Variants in ARPP19 observed in about 807,000 individuals in gnomAD.
The protein encoded by ARPP19 is cAMP regulated phosphoprotein 19.
ARPP19 carries 8 observed loss-of-function variants against 12.0 expected under a neutral mutation model. The observed-to-expected ratio is 0.67, with a 90% confidence interval of 0.39 to 1.21. ARPP19 has a LOEUF of 1.21. ARPP19 is among the 50% of genes most tolerant of loss of function. The pLI, the probability that ARPP19 is intolerant of heterozygous loss-of-function variation, is 0.01. For synonymous variants in ARPP19, 47 were observed against 50.4 expected, an observed-to-expected ratio of 0.93 and a Z score of 0.29; for missense variants, 102 against 136.3, an observed-to-expected ratio of 0.75 and a Z score of 1.25.
rs1268834753 is a variant in ARPP19, at chr15:52,557,172, T to C, written c.96A>G (p.Leu32=). ...GTCCCAGATGAGGATATCTTGCTTTTAATTTTGCTTCTTCTGCTTTCTCTG... is the reference window on the plus strand; with the variant it reads ...GTCCCAGATGAGGATATCTTGCTTTCAATTTTGCTTCTTCTGCTTTCTCTG... ...TSPEKAEEAK[L]KARYPHLGQK... The change falls in exon 2 of 3, where the codon TTA becomes TTG. Residue 32 remains leucine, a synonymous_variant. Coordinates refer to ENST00000249822, the MANE Select transcript of ARPP19 (RefSeq NM_006628.6). The C allele has an allele frequency of 6.2e-7, 1 of 1,612,724 alleles. No homozygotes were observed. The highest frequency in any genetic ancestry group is 1.7e-5 in the Admixed American group (1 of 60,004).
chr15:52,568,785 G>C lies in ARPP19; in HGVS notation c.45+63C>G, dbSNP rs925007401. ...TCGGGCGCGGCCCTCCGCCTGGCGGGAGCAGGCCGCCCGCCAGACCCGGCC... is the reference window on the plus strand; with the variant it reads ...TCGGGCGCGGCCCTCCGCCTGGCGGCAGCAGGCCGCCCGCCAGACCCGGCC... On this transcript the variant is annotated intron_variant, in intron 1 of 2. Transcript: ENST00000249822. 5.5e-6 allele frequency: 7 copies of C among 1,283,508 alleles called. No homozygotes were observed. The African/African-American group carries it at 9.4e-5, about 17-fold the overall frequency. 79.5% of individuals were successfully genotyped at this position (1,283,508 alleles called of 1,614,324 possible).
intron 1 of ARPP19, among the ~76,000 whole-genome samples, chr15:52,562,048 G>A (rs545093260): frequency 1.3e-5 from 2 of 151,826 alleles, no homozygotes; most frequent in Non-Finnish European, 2.9e-5. Context: ...AAAGTGCTGG[G>A]ACTGCAGGCG....
rs948043352 is a variant in ARPP19 at position 52,551,719 on chromosome 15, C to T, written c.*215G>A. On this transcript the variant is annotated 3_prime_UTR_variant, in exon 3 of 3. Transcript: ENST00000249822. ...TATACAACTATTTTCAAGTAGTTTA[C>T]TTATGTTGCTCTAACATGTCCTCTT... is the stretch of plus-strand genomic sequence containing the variant. The T allele has an allele frequency of 2.1e-6, 1 of 486,678 alleles. No individual in the cohort carries two copies. Among genetic ancestry groups the T allele is most frequent in the African/African-American group, 2.0e-5 (1 of 50,708 alleles). 30.1% of individuals were successfully genotyped at this position (486,678 alleles called of 1,614,324 possible). A position where few individuals can be genotyped will look rare whatever the true frequency, so the allele number is the denominator to read the frequency against.
chr15:52,553,052 G>A (rs1346298703), intron 2 of ARPP19, among the ~76,000 whole-genome samples: 2 of 152,080 alleles, frequency 1.3e-5, no homozygotes, highest in Non-Finnish European at 2.9e-5. Flanking sequence ...ACTCCAGCCT[G>A]GGCGACAGAG....
chr15:52,547,300 C>T lies in ARPP19; in HGVS notation c.*4634G>A, dbSNP rs2077885925. ...GTATAATTTTGGAAGGGGTATTTGA[C>T]AAATTCAGCATTAACTGCCAACTCT... On this transcript the variant is annotated 3_prime_UTR_variant, in exon 3 of 3. Coordinates refer to ENST00000249822, the MANE Select transcript of ARPP19 (RefSeq NM_006628.6). 1 of 151,986 alleles carries T rather than the reference C, an allele frequency of 6.6e-6. No individual in the cohort carries two copies. Among genetic ancestry groups the T allele is most frequent in the South Asian group, 2.1e-4 (1 of 4,820 alleles). The allele number at this position is 151,986 out of a possible 1,614,324, so 9.4% of individuals were successfully genotyped here.
At chr15:52,560,629 C>T (rs762086018) in intron 1 of ARPP19, among the ~76,000 whole-genome samples, 2 of 152,230 alleles carry the variant, frequency 1.3e-5, no homozygotes, top group African/African-American at 2.4e-5. Flanking sequence ...ATGAATCCTA[C>T]AGAAACATTC....
intron 1 of ARPP19, among the ~76,000 whole-genome samples, chr15:52,559,898 C>T (rs942089968): frequency 1.3e-5 from 2 of 152,180 alleles, no homozygotes; most frequent in African/African-American, 4.8e-5. Context: ...AATTGTCACC[C>T]TTTAGTCCCT....
chr15:52,561,790 A>AC (rs2078034909), intron 1 of ARPP19, among the ~76,000 whole-genome samples: 1 of 151,838 alleles, frequency 6.6e-6, no homozygotes, highest in South Asian at 2.1e-4. Flanking sequence ...GAAAAAAAAA[A>AC]AACCTAGCCA....
chr15:52,566,651 G>A (rs1470892936), intron 1 of ARPP19, among the ~76,000 whole-genome samples: 1 of 151,484 alleles, frequency 6.6e-6, no homozygotes, highest in Non-Finnish European at 1.5e-5. Flanking sequence ...GACCAGGCTG[G>A]TCTCAAACTC....
At chr15:52,561,139 T>C (rs2078028566) in intron 1 of ARPP19, among the ~76,000 whole-genome samples, 1 of 152,228 alleles carries the variant, frequency 6.6e-6, no homozygotes, top group African/African-American at 2.4e-5. Context: ...TTATCCACAG[T>C]CATGTTCAAA....
chr15:52,564,832 A>G (rs1414532201), intron 1 of ARPP19, among the ~76,000 whole-genome samples: 2 of 152,154 alleles, frequency 1.3e-5, no homozygotes, highest in African/African-American at 4.8e-5. Flanking sequence ...TCATCTTACC[A>G]TGGTCTATTC....
intron 1 of ARPP19, among the ~76,000 whole-genome samples, chr15:52,561,755 A>G (rs914450775): frequency 4.0e-5 from 6 of 151,406 alleles, no homozygotes; most frequent in Admixed American, 1.3e-4. Flanking sequence ...CAGACTGTCC[A>G]TTTAAATCCA....
intron 1 of ARPP19, among the ~76,000 whole-genome samples, chr15:52,563,163 C>T (rs1036282597): frequency 2.0e-5 from 3 of 152,042 alleles, no homozygotes; most frequent in Non-Finnish European, 4.4e-5. Flanking sequence ...TGTGAGCCAC[C>T]GTGAAGAAGT....
At chr15:52,562,411 A>G (rs535836556) in intron 1 of ARPP19, among the ~76,000 whole-genome samples, 109 of 152,292 alleles carry the variant, frequency 7.2e-4, no homozygotes, top group African/African-American at 2.6e-3. Flanking sequence ...ATACTTCTAA[A>G]TAATTCCTGG....
rs1362201396 is a variant in ARPP19, at chr15:52,568,918, C to T, written c.-26G>A. ...AGTGCTCCCTCTGCAGACGAGACGC[C>T]GGGAAAAGATGCAATTAGCGGGTGG... On this transcript the variant is annotated 5_prime_UTR_variant, in exon 1 of 3. Coordinates refer to ENST00000249822, the MANE Select transcript of ARPP19 (RefSeq NM_006628.6). The T allele has an allele frequency of 7.2e-7, 1 of 1,387,752 alleles. No individual in the cohort carries two copies. Among genetic ancestry groups the T allele is most frequent in the South Asian group, 1.2e-5 (1 of 83,534 alleles). The allele number at this position is 1,387,752 out of a possible 1,614,324, so 86.0% of individuals were successfully genotyped here.
At chr15:52,568,657 G>A (rs2078109357) in intron 1 of ARPP19, 191 bp downstream of exon 1, 1 of 484,098 alleles carries the variant, frequency 2.1e-6, no homozygotes, top group Non-Finnish European at 3.6e-6. Context: ...AGTAAACGCG[G>A]GGCACGTTGG....
chr15:52,563,761 T>C (rs537400760), intron 1 of ARPP19, among the ~76,000 whole-genome samples: 31 of 152,314 alleles, frequency 2.0e-4, no homozygotes, highest in African/African-American at 7.5e-4. Flanking sequence ...CAGCAACATG[T>C]TGACTGATGC....
intron 1 of ARPP19, among the ~76,000 whole-genome samples, chr15:52,567,443 C>T (rs1566899897): frequency 6.6e-6 from 1 of 152,132 alleles, no homozygotes; most frequent in Non-Finnish European, 1.5e-5. Flanking sequence ...GAAGTTAATG[C>T]TAAGTTTGAT....
chr15:52,569,266 T>C (rs1000667169), upstream of ARPP19: 54 of 297,274 alleles, frequency 1.8e-4, no homozygotes, highest in Non-Finnish European at 6.9e-5. Flanking sequence ...CCCCGCCCTT[T>C]CCTGTCCACT....
Sources: gnomAD v4.1 joint callset for allele counts (sites outside exome capture counted in the v4.1 genomes callset) on GRCh38, gnomAD v4.1.1 for gene constraint, MANE v1.5 for transcripts, NCBI Gene and HGNC (gene_info 2026-07-23, HGNC 2026-07-21) for gene names.